Variants in GCNT2 observed in about 807,000 individuals in gnomAD.
GCNT2 encodes glucosaminyl (N-acetyl) transferase 2 (I blood group), also known as N-acetyllactosaminide beta-1,6-N-acetylglucosaminyl-transferase.
In GCNT2, 34 loss-of-function variants were observed where a neutral mutation model predicts 34.2. That is an observed-to-expected ratio of 1.00 (90% CI 0.76 to 1.32). The LOEUF is 1.32. Among genes scored for constraint, GCNT2 ranks in the 40% most tolerant of loss-of-function variants. The pLI, the probability that GCNT2 is intolerant of heterozygous loss-of-function variation, is 0.00. For synonymous variants in GCNT2, 212 were observed against 188.0 expected, an observed-to-expected ratio of 1.13 and a Z score of -1.04; for missense variants, 584 against 489.4, an observed-to-expected ratio of 1.19 and a Z score of -1.82.
chr6:10,598,877 T>C (rs895750863), intron 3 of GCNT2, among the ~76,000 whole-genome samples: 8 of 152,188 alleles, frequency 5.3e-5, no homozygotes, highest in African/African-American at 1.9e-4. Context: ...ATATGTAAAA[T>C]GGAGATACTA....
intron 3 of GCNT2, among the ~76,000 whole-genome samples, chr6:10,603,598 C>T (rs1014673437): frequency 2.0e-5 from 3 of 152,100 alleles, no homozygotes; most frequent in Non-Finnish European, 4.4e-5. Context: ...TCACTGCAAC[C>T]TCCGCCTCCT....
intron 3 of GCNT2, among the ~76,000 whole-genome samples, chr6:10,535,053 G>A (rs546740354): frequency 1.2e-4 from 18 of 152,174 alleles, no homozygotes; most frequent in Admixed American, 1.2e-3. Flanking sequence ...GTGTGGTGGT[G>A]CATGCCTGTA....
intron 3 of GCNT2, chr6:10,586,992 AATT>A: frequency 2.0e-6 from 2 of 1,007,700 alleles, no homozygotes; most frequent in Non-Finnish European, 3.1e-6. Flanking sequence ...ACTCATTTGA[AATT>A]ATTATGAAAT....
At chr6:10,522,194 G>A (rs986524959) in intron 1 of GCNT2, among the ~76,000 whole-genome samples, 1 of 152,056 alleles carries the variant, frequency 6.6e-6, no homozygotes, top group Admixed American at 6.6e-5. Context: ...AGCCTGAAAT[G>A]TATTTTATTT....
intron 3 of GCNT2, among the ~76,000 whole-genome samples, chr6:10,555,449 C>G (rs1051206365): frequency 5.3e-5 from 8 of 152,060 alleles, no homozygotes; most frequent in Non-Finnish European, 1.2e-4. Context: ...CATTTGATGC[C>G]GTTCTCTGGG....
intron 3 of GCNT2, among the ~76,000 whole-genome samples, chr6:10,548,592 T>TA (rs1431083196): frequency 2.0e-5 from 3 of 152,258 alleles, no homozygotes; most frequent in Admixed American, 1.3e-4. Context: ...TCTAGATATA[T>TA]AAAATCTTGT....
chr6:10,606,488 A>C (rs933848500), intron 3 of GCNT2, among the ~76,000 whole-genome samples: 2 of 123,952 alleles, frequency 1.6e-5, no homozygotes, highest in African/African-American at 8.1e-5. Context: ...GCAGCCTGCC[A>C]CAACAAATCA....
rs1766323613 is a variant in GCNT2, at chr6:10,627,698, C to CT, written c.*1096dup. The CT allele has an allele frequency of 6.6e-6, 1 of 152,136 alleles. No homozygotes were observed. Among genetic ancestry groups the CT allele is most frequent in the Admixed American group, 6.6e-5 (1 of 15,266 alleles). The allele number at this position is 152,136 out of a possible 1,614,324, so 9.4% of individuals were successfully genotyped here. A position where few individuals can be genotyped will look rare whatever the true frequency, so the allele number is the denominator to read the frequency against. ...CTGAGACAAAAAGGAAACATAAGAG[C>CT]TTTTTCACTCTAAAAATCTTGGCAA... On this transcript the variant is annotated 3_prime_UTR_variant, in exon 5 of 5. Coordinates refer to ENST00000495262, the MANE Select transcript of GCNT2 (RefSeq NM_145649.5).
rs60988454 is a variant in GCNT2, at chr6:10,588,785, ATGTGTG to A, written c.926-32547_926-32542del. 3.2e-3 allele frequency among the ~76,000 whole-genome samples: 435 copies of A among 135,240 alleles called. 2 individuals are homozygous for A. The highest frequency in any genetic ancestry group is 9.9e-3 in the African/African-American group (349 of 35,096). 88.7% of individuals were successfully genotyped at this position (135,240 alleles called of 152,430 possible). On this transcript the variant is annotated intron_variant, in intron 3 of 4. Transcript: ENST00000495262. ...GTGGTGTGTTTGTAGTGTGTGTGTG[ATGTGTG>A]TGTGTGTGTGTGTGTGTGGTGTATG...
intron 3 of GCNT2, among the ~76,000 whole-genome samples, chr6:10,535,042 G>T (rs982284590): frequency 2.0e-5 from 3 of 152,146 alleles, no homozygotes; most frequent in Non-Finnish European, 4.4e-5. Context: ...AAATTAACCG[G>T]GTGTGGTGGT....
chr6:10,598,510 C>G (rs759872531), intron 3 of GCNT2, among the ~76,000 whole-genome samples: 4 of 152,182 alleles, frequency 2.6e-5, no homozygotes, highest in African/African-American at 4.8e-5. Context: ...CATCTGGATG[C>G]CAACCACCAC....
intron 3 of GCNT2, chr6:10,555,707 T>A (rs1762667306): frequency 1.0e-6 from 1 of 984,832 alleles, no homozygotes; most frequent in Non-Finnish European, 1.2e-6. Flanking sequence ...GGACAGGAAC[T>A]CCTCCTCCAG....
chr6:10,587,767 T>A (rs1581450416), intron 3 of GCNT2, among the ~76,000 whole-genome samples: 1 of 152,158 alleles, frequency 6.6e-6, no homozygotes, highest in African/African-American at 2.4e-5. Context: ...CCATAGGTGG[T>A]CTGTGACCTG....
At chr6:10,626,266 T>C (rs923789409) in intron 4 of GCNT2, 151 bp from the exon 5 acceptor site, 3 of 684,224 alleles carry the variant, frequency 4.4e-6, no homozygotes, top group Non-Finnish European at 7.9e-6. Flanking sequence ...CAGTTCTTTG[T>C]GGGCTGAGAC....
At chr6:10,537,151 A>G (rs1761800166) in intron 3 of GCNT2, among the ~76,000 whole-genome samples, 1 of 152,230 alleles carries the variant, frequency 6.6e-6, no homozygotes, top group Admixed American at 6.5e-5. Flanking sequence ...TAGATTATCA[A>G]GAAAACAATG....
intron 3 of GCNT2, among the ~76,000 whole-genome samples, chr6:10,554,500 A>G (rs185973838): frequency 6.6e-6 from 1 of 152,326 alleles, no homozygotes; most frequent in East Asian, 1.9e-4. Context: ...AATAATGTAA[A>G]CAGACTCTGT....
chr6:10,560,780 CTT>C (rs758210507), intron 3 of GCNT2, among the ~76,000 whole-genome samples: 108 of 151,872 alleles, frequency 7.1e-4, no homozygotes, highest in Non-Finnish European at 6.3e-4. Flanking sequence ...AGTGACTTCT[CTT>C]TTGGTTTTCA....
intron 3 of GCNT2, among the ~76,000 whole-genome samples, chr6:10,559,481 C>CA (rs1012464252): frequency 1.3e-5 from 2 of 152,190 alleles, no homozygotes; most frequent in Admixed American, 6.5e-5. Flanking sequence ...TCTCCAGCTA[C>CA]AAAATGGGGA....
chr6:10,610,570 C>A (rs1386950078), intron 3 of GCNT2, among the ~76,000 whole-genome samples: 1 of 152,110 alleles, frequency 6.6e-6, no homozygotes, highest in Non-Finnish European at 1.5e-5. Flanking sequence ...AGAAGACTGT[C>A]CAAGAATGAC....
Sources: allele counts gnomAD v4.1 joint callset (sites outside exome capture counted in the v4.1 genomes callset), GRCh38; gene constraint gnomAD v4.1.1; transcripts MANE v1.5; gene names NCBI Gene and HGNC (gene_info 2026-07-23, HGNC 2026-07-21).